RBFOX1: variants seen among roughly 807,000 people sequenced by gnomAD.
RBFOX1 encodes the protein RNA binding fox-1 homolog 1, also known as RNA binding protein fox-1 homolog 1.
A neutral mutation model predicts 57.7 loss-of-function variants in RBFOX1; 8 were observed. The observed-to-expected ratio is 0.14, with a 90% CI of 0.08 to 0.25. The LOEUF (loss-of-function observed/expected upper bound fraction) is 0.25. RBFOX1 is among the 10% of genes least tolerant of loss of function. The probability of loss-of-function intolerance (pLI) is 1.00; values close to 1 mark genes in which losing one functional copy is unlikely to be tolerated. For synonymous variants in RBFOX1, 326 were observed against 222.4 expected (o/e 1.47, Z -4.15); for missense variants, 611 against 548.5 (o/e 1.11, Z -1.14).
chr16:6,320,065 A>G (rs1039838481), intron 2 of RBFOX1, among the ~76,000 whole-genome samples: 1 of 152,150 alleles, frequency 6.6e-6, no homozygotes, highest in Admixed American at 6.6e-5. Context: ...TACTCTTAAT[A>G]TAATTGGCTT....
chr16:6,930,933 T>C (rs914954707), intron 3 of RBFOX1, among the ~76,000 whole-genome samples: 2 of 151,658 alleles, frequency 1.3e-5, no homozygotes, highest in African/African-American at 4.8e-5. Context: ...GTATGTATAT[T>C]CATATATATA....
intron 5 of RBFOX1, among the ~76,000 whole-genome samples, chr16:7,569,643 T>C (rs1356260389): frequency 6.6e-6 from 1 of 152,188 alleles, no homozygotes; most frequent in Non-Finnish European, 1.5e-5. Flanking sequence ...CTTAACATCT[T>C]TAAGGGGTCA....
chr16:6,899,687 C>G (rs996328692), intron 3 of RBFOX1, among the ~76,000 whole-genome samples: 1 of 152,216 alleles, frequency 6.6e-6, no homozygotes, highest in African/African-American at 2.4e-5. Flanking sequence ...GGAATTATCT[C>G]TACAGATTTT....
At chr16:6,945,123 G>A (rs568653612) in intron 3 of RBFOX1, among the ~76,000 whole-genome samples, 10 of 152,218 alleles carry the variant, frequency 6.6e-5, no homozygotes, top group Admixed American at 2.6e-4. Context: ...CTAGGGTCAC[G>A]CAGAGGTAGG....
At chr16:7,512,252 C>T (rs762148130) in intron 4 of RBFOX1, among the ~76,000 whole-genome samples, 8 of 152,156 alleles carry the variant, frequency 5.3e-5, no homozygotes, top group Admixed American at 1.3e-4. Flanking sequence ...GGAGCCTGTT[C>T]GCGTGCCTAG....
At chr16:6,422,501 C>G (rs950183105) in intron 2 of RBFOX1, among the ~76,000 whole-genome samples, 2 of 152,050 alleles carry the variant, frequency 1.3e-5, no homozygotes, top group Non-Finnish European at 2.9e-5. Context: ...AAAGAAATGC[C>G]TGAGACTGGG....
intron 3 of RBFOX1, among the ~76,000 whole-genome samples, chr16:5,802,653 G>C (rs1383384726): frequency 1.3e-5 from 2 of 152,178 alleles, no homozygotes; most frequent in Non-Finnish European, 2.9e-5. Flanking sequence ...AGACCCTGCA[G>C]ATTTCTTCCC....
intron 4 of RBFOX1, among the ~76,000 whole-genome samples, chr16:7,506,797 G>A (rs934955273): frequency 7.3e-6 from 1 of 137,902 alleles, no homozygotes; most frequent in African/African-American, 2.5e-5. Flanking sequence ...CCATAATGAG[G>A]TATGTGATCT....
chr16:6,216,572 G>A (rs569954709), intron 1 of RBFOX1, among the ~76,000 whole-genome samples: 6 of 152,276 alleles, frequency 3.9e-5, no homozygotes, highest in South Asian at 2.1e-4. Context: ...TTCAGCCTTC[G>A]AGTGAGCAAA....
chr16:6,139,943 G>T (rs973535696), intron 1 of RBFOX1, among the ~76,000 whole-genome samples: 1 of 152,136 alleles, frequency 6.6e-6, no homozygotes, highest in East Asian at 1.9e-4. Flanking sequence ...TTCAAAGATG[G>T]TCTTGATGAG....
chr16:5,531,417 T>C (rs2044473419), intron 2 of RBFOX1, among the ~76,000 whole-genome samples: 1 of 152,198 alleles, frequency 6.6e-6, no homozygotes, highest in South Asian at 2.1e-4. Flanking sequence ...AATTGAGAAC[T>C]CACAAAGGCT....
At chr16:7,347,029 A>T (rs1469954494) in intron 4 of RBFOX1, among the ~76,000 whole-genome samples, 1 of 152,222 alleles carries the variant, frequency 6.6e-6, no homozygotes, top group Non-Finnish European at 1.5e-5. Context: ...AAAGCACAAG[A>T]GGTAAGACAG....
At chr16:6,482,226 A>T (rs1234669235) in intron 2 of RBFOX1, among the ~76,000 whole-genome samples, 1 of 152,240 alleles carries the variant, frequency 6.6e-6, no homozygotes, top group South Asian at 2.1e-4. Flanking sequence ...ATATATGTAT[A>T]TTAAATTTTA....
At chr16:6,337,060 AC>A (rs2083863356) in intron 2 of RBFOX1, among the ~76,000 whole-genome samples, 1 of 152,146 alleles carries the variant, frequency 6.6e-6, no homozygotes, top group African/African-American at 2.4e-5. Flanking sequence ...ATTTTTTGGA[AC>A]CCAAGAGTTC....
Position 7,292,161 on chromosome 16 carries a change from G to A in RBFOX1, c.28-225986G>A, listed in dbSNP as rs867252340. ...TTACGTATGATATATAATATAGAAC[G>A]TATTATATATCATATATCATATATG... On this transcript the variant is annotated intron_variant, in intron 4 of 15. Transcript: ENST00000550418. 1.1e-4 allele frequency among the ~76,000 whole-genome samples: 14 copies of A among 123,582 alleles called. No homozygotes were observed. In the South Asian group the frequency reaches 1.5e-3, roughly 13 times the overall value. The allele number at this position is 123,582 out of a possible 152,430, so 81.1% of individuals were successfully genotyped here.
intron 1 of RBFOX1, among the ~76,000 whole-genome samples, chr16:6,211,506 G>A (rs2097297865): frequency 1.3e-5 from 2 of 152,104 alleles, no homozygotes; most frequent in South Asian, 4.1e-4. Flanking sequence ...GGGATTACAG[G>A]CGTGAGCCAC....
intron 3 of RBFOX1, among the ~76,000 whole-genome samples, chr16:6,839,494 A>G (rs1317940950): frequency 6.6e-6 from 1 of 152,186 alleles, no homozygotes; most frequent in Non-Finnish European, 1.5e-5. Flanking sequence ...GGTTTCTTTT[A>G]TTATGGACAG....
intron 4 of RBFOX1, among the ~76,000 whole-genome samples, chr16:7,441,587 T>C (rs1219600584): frequency 1.3e-5 from 2 of 152,230 alleles, no homozygotes; most frequent in Non-Finnish European, 2.9e-5. Flanking sequence ...TTCACCCATA[T>C]GATTTGTTTT....
intron 4 of RBFOX1, among the ~76,000 whole-genome samples, chr16:5,910,174 C>T (rs1045628089): frequency 2.3e-4 from 35 of 152,238 alleles, no homozygotes; most frequent in African/African-American, 8.2e-4. Context: ...CTTTTCTGTC[C>T]TGCAGCCTAG....
Sources: allele counts gnomAD v4.1 joint callset (sites outside exome capture counted in the v4.1 genomes callset), GRCh38; gene constraint gnomAD v4.1.1; transcripts MANE v1.5; gene names NCBI Gene and HGNC (gene_info 2026-07-23, HGNC 2026-07-21).